Variants in RGS22 observed in about 807,000 individuals in gnomAD.
RGS22 encodes regulator of G-protein signaling 22.
A neutral mutation model predicts 172.9 loss-of-function variants in RGS22; 148 were observed. That is an observed-to-expected ratio of 0.86 (90% CI 0.75 to 0.98). RGS22 has a LOEUF of 0.98. Ranked by LOEUF, RGS22 falls within the 50% of genes least tolerant of loss-of-function variation. RGS22 has a pLI of 0.00. For synonymous variants in RGS22, 458 were observed against 480.2 expected, an observed-to-expected ratio of 0.95 and a Z score of 0.60; for missense variants, 1,347 against 1,440.8, an observed-to-expected ratio of 0.93 and a Z score of 1.05.
intron 2 of RGS22, among the ~76,000 whole-genome samples, chr8:100,104,547 C>T (rs1453493415): frequency 1.3e-5 from 2 of 152,052 alleles, no homozygotes; most frequent in South Asian, 2.1e-4. Context: ...GAAAGCCACC[C>T]GCGCACACAG....
Position 99,987,570 on chromosome 8 carries a change from C to A in RGS22, c.3068G>T (p.Arg1023Leu). 1.9e-6 allele frequency: 3 copies of A among 1,609,690 alleles called. No homozygotes were observed. Among genetic ancestry groups the A allele is most frequent in the Non-Finnish European group, 2.5e-6 (3 of 1,177,854 alleles). ...AGTAACTGGATTCAATAATGCTTTG[C>A]GAAAAGCAATGATTTTACAAGATGA... ...ISSSCKIIAF[R>L]KALLNPVTSR... The change falls in exon 21 of 28, where the codon CGC (arginine) becomes CTC (leucine). Residue 1023 changes from arginine (R) to leucine (L), a missense_variant. Transcript: ENST00000360863.
chr8:100,050,588 A>G (rs1466869277), intron 10 of RGS22, among the ~76,000 whole-genome samples: 3 of 152,220 alleles, frequency 2.0e-5, no homozygotes, highest in Non-Finnish European at 4.4e-5. Context: ...TATATGGCCA[A>G]TAACAGTTAA....
At chr8:100,052,595 C>T (rs7824864) in intron 10 of RGS22, among the ~76,000 whole-genome samples, 14,351 of 151,990 alleles carry the variant, frequency 0.094, 1,193 homozygotes, top group African/African-American at 0.22. Context: ...CCACCGCGCC[C>T]GGCCATGATT....
intron 6 of RGS22, among the ~76,000 whole-genome samples, chr8:100,070,961 T>G (rs1255613500): frequency 4.6e-5 from 7 of 152,034 alleles, no homozygotes; most frequent in Admixed American, 3.3e-4. Context: ...AAATCATTTT[T>G]TCTGTTCAGG....
At chr8:99,964,842 G>A (rs550328398) in intron 24 of RGS22, among the ~76,000 whole-genome samples, 1 of 152,184 alleles carries the variant, frequency 6.6e-6, no homozygotes, top group South Asian at 2.1e-4. Flanking sequence ...TTAAACATAC[G>A]ACATTTCAGG....
intron 14 of RGS22, among the ~76,000 whole-genome samples, chr8:100,031,165 T>C (rs1419611070): frequency 6.6e-6 from 1 of 152,194 alleles, no homozygotes; most frequent in Non-Finnish European, 1.5e-5. Flanking sequence ...ATCCATATTT[T>C]ACAGAACATG....
chr8:100,070,027 C>CAAAAAAAAAA (rs777398611), intron 6 of RGS22, among the ~76,000 whole-genome samples: 23 of 39,786 alleles, frequency 5.8e-4, no homozygotes, highest in African/African-American at 8.0e-4. Flanking sequence ...GACTCTGTCT[C>CAAAAAAAAAA]AAAAAAAAAA....
chr8:100,013,145 A>G (rs1816590529), intron 14 of RGS22, among the ~76,000 whole-genome samples: 1 of 151,982 alleles, frequency 6.6e-6, no homozygotes, highest in Non-Finnish European at 1.5e-5. Context: ...GTCCACCACC[A>G]CGCCCAGCTA....
Position 100,105,907 on chromosome 8 carries a change from C to A in RGS22, c.15G>T (p.Arg5Ser). Residue 5 changes from arginine to serine, a missense_variant, in exon 1 of 28, where the codon AGG (arginine) becomes AGT (serine). By Grantham distance (110) the Arg-to-Ser change is moderately radical. Transcript: ENST00000360863. The stretch of plus-strand genomic sequence containing the variant: ...GGGGCCGCCACCTACCCGCGGTGAG[C>A]CTCTTCTCGGGCATGCCGTCCCCGC... MPEK[R>S]LTAEPPTITE... is the part of the protein sequence containing the mutation. 1 of 1,498,958 alleles carries A rather than the reference C, an allele frequency of 6.7e-7. No individual in the cohort carries two copies. The highest frequency in any genetic ancestry group is 8.9e-7 in the Non-Finnish European group (1 of 1,126,528). 92.9% of individuals were successfully genotyped at this position (1,498,958 alleles called of 1,614,324 possible).
rs190017577 is a variant in RGS22, at chr8:100,011,265, G to C, written c.2167-2696C>G. On this transcript the variant is annotated intron_variant, in intron 14 of 27. Transcript: ENST00000360863. ...GAATCTTTGAAGGATTTTAACTGAG[G>C]AGTGACGTCATTGGATGTGATAGTT... 2.4e-4 allele frequency among the ~76,000 whole-genome samples: 37 copies of C among 152,318 alleles called. 1 individual carries two copies. Among genetic ancestry groups the C allele is most frequent in the Non-Finnish European group, 2.2e-4 (15 of 68,028 alleles).
chr8:100,021,670 G>A lies in RGS22; in HGVS notation c.2167-13101C>T, dbSNP rs76305491. 6.3e-3 allele frequency among the ~76,000 whole-genome samples: 965 copies of A among 152,168 alleles called. 11 individuals carry two copies. Among genetic ancestry groups the A allele is most frequent in the African/African-American group, 0.021 (883 of 41,526 alleles). Reference sequence around the variant, plus strand: ...CAACAAAGAAACCATATTGCTGTATGTGATGGCAAATAGCAAAGTAACATG... The same window carrying A: ...CAACAAAGAAACCATATTGCTGTATATGATGGCAAATAGCAAAGTAACATG... On this transcript the variant is annotated intron_variant, in intron 14 of 27. Transcript: ENST00000360863.
intron 5 of RGS22, 94 bp from the exon 6 acceptor site, chr8:100,071,631 C>T: frequency 1.2e-6 from 1 of 852,508 alleles, no homozygotes; most frequent in South Asian, 2.1e-5. Flanking sequence ...AAGCCAATCT[C>T]CTCTCCTCAC....
At chr8:99,987,910 C>T (rs1473810863) in intron 20 of RGS22, among the ~76,000 whole-genome samples, 2 of 151,904 alleles carry the variant, frequency 1.3e-5, no homozygotes, top group African/African-American at 2.4e-5. Context: ...CTTTTTAGTG[C>T]ATTGTATGAG....
At chr8:99,999,905 T>A (rs920092414) in intron 18 of RGS22, among the ~76,000 whole-genome samples, 5 of 152,154 alleles carry the variant, frequency 3.3e-5, no homozygotes. Context: ...TACCAACAAA[T>A]GTTGGGTTGG....
At chr8:99,994,881 G>A (rs972068488) in intron 20 of RGS22, among the ~76,000 whole-genome samples, 2 of 152,208 alleles carry the variant, frequency 1.3e-5, no homozygotes, top group South Asian at 2.1e-4. Flanking sequence ...CAAGTCTATA[G>A]TAACCAAAAC....
chr8:100,089,789 G>A (rs1035350978), intron 3 of RGS22, among the ~76,000 whole-genome samples: 8 of 152,002 alleles, frequency 5.3e-5, no homozygotes, highest in Non-Finnish European at 1.0e-4. Flanking sequence ...ACACTATCGG[G>A]ATAAAAACAA....
Position 100,063,765 on chromosome 8 carries a change from G to A in RGS22, c.1003C>T (p.Pro335Ser). ...RGAIQQIVGK[P>S]VGETPDYINF... Reference sequence around the variant, plus strand: ...ATATAGTCTGGGGTTTCTCCAACTGGCTTTCCAACAATTTGCTGAATTGCT... The same window carrying A: ...ATATAGTCTGGGGTTTCTCCAACTGACTTTCCAACAATTTGCTGAATTGCT... Residue 335 changes from proline (P) to serine (S), a missense_variant, in exon 8 of 28, where the codon CCA becomes TCA. By Grantham distance (74) the Pro-to-Ser change is moderately conservative (BLOSUM62 -1). Transcript: ENST00000360863. The A allele has an allele frequency of 1.9e-6, 3 of 1,614,024 alleles. No individual in the cohort carries two copies. The highest frequency in any genetic ancestry group is 1.1e-5 in the South Asian group (1 of 91,068).
intron 10 of RGS22, 140 bp from the exon 11 acceptor site, chr8:100,047,736 A>AT (rs1180114421): frequency 7.2e-6 from 5 of 699,282 alleles, no homozygotes; most frequent in Non-Finnish European, 1.0e-5. Context: ...TAAAATAGAA[A>AT]TTTTTTCTTT....
intron 14 of RGS22, among the ~76,000 whole-genome samples, chr8:100,036,311 G>C (rs1420926745): frequency 3.9e-5 from 6 of 151,950 alleles, no homozygotes. Flanking sequence ...CATTTAAATT[G>C]GTTTCCAACT....
Sources: allele counts gnomAD v4.1 joint callset (sites outside exome capture counted in the v4.1 genomes callset), GRCh38; gene constraint gnomAD v4.1.1; transcripts MANE v1.5; gene names NCBI Gene and HGNC (gene_info 2026-07-23, HGNC 2026-07-21).